EFR3A: variants seen among roughly 807,000 people sequenced by gnomAD.
EFR3A encodes EFR3 homolog A, also known as protein EFR3 homolog A.
In EFR3A, 76 loss-of-function variants were observed where a neutral mutation model predicts 104.4. That is an observed-to-expected ratio of 0.73 (90% CI 0.60 to 0.88). The LOEUF (loss-of-function observed/expected upper bound fraction) is 0.88. Ranked by LOEUF, EFR3A falls within the 40% of genes least tolerant of loss-of-function variation. The probability of loss-of-function intolerance (pLI) is 0.00; values close to 1 mark genes in which losing one functional copy is unlikely to be tolerated. For missense variants in EFR3A, 985 were observed against 1,012.5 expected (o/e 0.97, Z 0.37); for synonymous variants, 330 against 330.0 (o/e 1.00, Z 0.00).
intron 1 of EFR3A, among the ~76,000 whole-genome samples, chr8:131,913,085 G>C (rs1816586319): frequency 6.7e-6 from 1 of 150,162 alleles, no homozygotes; most frequent in Middle Eastern, 3.5e-3. Flanking sequence ...GATGAGTCAT[G>C]ATGTGGGGGT....
chr8:131,943,683 TCTAC>T (rs1439746463), intron 2 of EFR3A, among the ~76,000 whole-genome samples: 1 of 152,052 alleles, frequency 6.6e-6, no homozygotes, highest in African/African-American at 2.4e-5. Flanking sequence ...ATCCCTGGCC[TCTAC>T]CTACTAGATC....
intron 12 of EFR3A, 52 bp downstream of exon 12, chr8:131,977,144 A>G (rs1382471724): frequency 9.3e-6 from 12 of 1,295,666 alleles, no homozygotes; most frequent in Non-Finnish European, 1.2e-5. Context: ...ATTACTGAAA[A>G]CATTAATTGA....
At chr8:131,982,468 G>A (rs1329944609) in intron 14 of EFR3A, among the ~76,000 whole-genome samples, 1 of 151,938 alleles carries the variant, frequency 6.6e-6, no homozygotes, top group East Asian at 1.9e-4. Flanking sequence ...ATGTTGTGCT[G>A]TATATAACTC....
intron 12 of EFR3A, among the ~76,000 whole-genome samples, chr8:131,978,129 T>A (rs1259308522): frequency 2.0e-5 from 3 of 152,156 alleles, no homozygotes; most frequent in Non-Finnish European, 4.4e-5. Context: ...TTTATAATCC[T>A]GAAAATATGT....
intron 5 of EFR3A, among the ~76,000 whole-genome samples, chr8:131,951,740 C>G (rs567298518): frequency 1.3e-5 from 2 of 152,088 alleles, no homozygotes; most frequent in Non-Finnish European, 1.5e-5. Context: ...TTTGCTAACT[C>G]TAGGTCTTTC....
At chr8:131,916,074 C>G (rs1034611489) in intron 1 of EFR3A, among the ~76,000 whole-genome samples, 3 of 152,134 alleles carry the variant, frequency 2.0e-5, no homozygotes, top group African/African-American at 7.2e-5. Flanking sequence ...CTTTCCTTTA[C>G]TGCTGTGTTT....
chr8:131,954,030 T>C (rs891233667), intron 6 of EFR3A, 63 bp downstream of exon 6: 6 of 1,375,858 alleles, frequency 4.4e-6, no homozygotes, highest in Middle Eastern at 2.1e-4. Context: ...GTGTGTTTCC[T>C]AGGATAAGAA....
chr8:131,911,679 C>T lies in EFR3A; in HGVS notation c.10+7357C>T, dbSNP rs563515170. 2.2e-3 allele frequency among the ~76,000 whole-genome samples: 338 copies of T among 152,208 alleles called. 3 individuals are homozygous for T. Among genetic ancestry groups the T allele is most frequent in the African/African-American group, 6.6e-3 (272 of 41,522 alleles). On this transcript the variant is annotated intron_variant, in intron 1 of 22. Coordinates refer to ENST00000254624, the MANE Select transcript of EFR3A (RefSeq NM_015137.6). ...CCTTCAGAATGAAGACCCAAAGATA[C>T]GGGGGAAAATGCCCATTTTTATGCT...
chr8:131,946,448 G>A (rs1182905355), intron 3 of EFR3A, 35 bp from the exon 4 acceptor site: 5 of 1,500,446 alleles, frequency 3.3e-6, no homozygotes, highest in East Asian at 2.5e-5. Context: ...AAGAGAGGTA[G>A]AAATGCTTTG....
At chr8:131,915,530 C>T (rs1816705090) in intron 1 of EFR3A, among the ~76,000 whole-genome samples, 1 of 152,126 alleles carries the variant, frequency 6.6e-6, no homozygotes, top group African/African-American at 2.4e-5. Flanking sequence ...AAAAAGTTTA[C>T]CTTATTTATA....
chr8:131,975,964 T>C (rs1820305559), intron 10 of EFR3A, 63 bp from the exon 11 acceptor site: 1 of 1,023,544 alleles, frequency 9.8e-7, no homozygotes, highest in African/African-American at 1.6e-5. Context: ...CTAAAAATAA[T>C]TTTGTATTAT....
chr8:131,987,627 A>G lies in EFR3A; in HGVS notation c.1990A>G (p.Lys664Glu), dbSNP rs141536283. The change falls in exon 18 of 23, where the codon AAG (lysine) becomes GAG (glutamate). Residue 664 changes from lysine (K) to glutamate (E), a missense_variant. Coordinates refer to ENST00000254624, the MANE Select transcript of EFR3A (RefSeq NM_015137.6). ...HEKDLYFLTN[K>E]IAESLGGSGY... ...AAAAGATTTGTACTTTCTGACCAAC[A>G]AGATTGCAGAGTCGCTAGGTGGAAG... The G allele has an allele frequency of 6.9e-6, 11 of 1,598,118 alleles. No individual in the cohort carries two copies. Among genetic ancestry groups the G allele is most frequent in the Admixed American group, 1.7e-5 (1 of 57,738 alleles).
chr8:131,910,075 G>A (rs1359058523), intron 1 of EFR3A, among the ~76,000 whole-genome samples: 1 of 152,136 alleles, frequency 6.6e-6, no homozygotes, highest in Non-Finnish European at 1.5e-5. Flanking sequence ...GGGTGGGCAG[G>A]TTCCCCTCCT....
rs1235610576 is a variant in EFR3A, at chr8:132,011,864, G to A, written c.*969G>A. On this transcript the variant is annotated 3_prime_UTR_variant, in exon 23 of 23. Coordinates refer to ENST00000254624, the MANE Select transcript of EFR3A (RefSeq NM_015137.6). ...AATTCTCCAGATGGACTTTTAATTT[G>A]TAAGATTTGAACTGTGACTTGTATA... 1 of 152,118 alleles carries A rather than the reference G, an allele frequency of 6.6e-6. No homozygotes were observed. The highest frequency in any genetic ancestry group is 2.4e-5 in the African/African-American group (1 of 41,420). The allele number at this position is 152,118 out of a possible 1,614,324, so 9.4% of individuals were successfully genotyped here. A position where few individuals can be genotyped will look rare whatever the true frequency, so the allele number is the denominator to read the frequency against.
intron 1 of EFR3A, among the ~76,000 whole-genome samples, chr8:131,930,704 A>T (rs1418679519): frequency 6.6e-6 from 1 of 152,038 alleles, no homozygotes; most frequent in Non-Finnish European, 1.5e-5. Flanking sequence ...AATAATGGGG[A>T]AATTCTAGTG....
chr8:131,930,662 C>T (rs549565691), intron 1 of EFR3A, among the ~76,000 whole-genome samples: 1 of 152,140 alleles, frequency 6.6e-6, no homozygotes, highest in South Asian at 2.1e-4. Flanking sequence ...AGAAAATCTA[C>T]TCCCTAATGA....
Position 131,969,086 on chromosome 8 carries a change from C to T in EFR3A, c.991+656C>T, listed in dbSNP as rs1038057710. On this transcript the variant is annotated intron_variant, in intron 9 of 22. Coordinates refer to ENST00000254624, the MANE Select transcript of EFR3A (RefSeq NM_015137.6). ...TTATATCCATGTGGAAAAGAACTTG[C>T]CCTTGCATGGAAGCAGTAGGAATGA... is the stretch of plus-strand genomic sequence containing the variant. Among the ~76,000 whole-genome samples, 3 of 152,032 alleles carry T rather than the reference C, an allele frequency of 2.0e-5. No homozygotes were observed. In the South Asian group the frequency reaches 6.2e-4, roughly 32 times the overall value.
At chr8:131,997,945 C>A (rs915253497) in intron 19 of EFR3A, among the ~76,000 whole-genome samples, 1 of 152,046 alleles carries the variant, frequency 6.6e-6, no homozygotes, top group Non-Finnish European at 1.5e-5. Flanking sequence ...GGGAAAGATT[C>A]TTGACACAAA....
In EFR3A at chr8:131,985,066, G is replaced by A; in HGVS notation, c.1869+6G>A. On this transcript the variant is annotated splice_donor_region_variant and intron_variant, in intron 16 of 22. Transcript: ENST00000254624. ...TTTGCCAGCATGTTAGCAAGGTAATGTATTTAGAAAAGTCCTTAAACTTGA... is the reference window on the plus strand; with the variant it reads ...TTTGCCAGCATGTTAGCAAGGTAATATATTTAGAAAAGTCCTTAAACTTGA... The A allele has an allele frequency of 1.9e-6, 3 of 1,611,276 alleles. No individual in the cohort carries two copies. Among genetic ancestry groups the A allele is most frequent in the South Asian group, 1.1e-5 (1 of 90,678 alleles).
Sources: allele counts gnomAD v4.1 joint callset (sites outside exome capture counted in the v4.1 genomes callset), GRCh38; gene constraint gnomAD v4.1.1; transcripts MANE v1.5; gene names NCBI Gene and HGNC (gene_info 2026-07-23, HGNC 2026-07-21).